NLRP5: variants seen among roughly 807,000 people sequenced by gnomAD.
NLRP5 encodes NACHT, LRR and PYD domains-containing protein 5.
In NLRP5, 93 loss-of-function variants were observed where a neutral mutation model predicts 113.1. The ratio of observed to expected loss-of-function variants is 0.82; its 90% CI spans 0.70 to 0.98. NLRP5 has a LOEUF of 0.98. NLRP5 is among the 50% of genes least tolerant of loss of function. The pLI is 0.00. For synonymous variants in NLRP5, 751 were observed against 600.7 expected, an observed-to-expected ratio of 1.25 and a Z score of -3.66; for missense variants, 1,808 against 1,514.3, an observed-to-expected ratio of 1.19 and a Z score of -3.22.
upstream of NLRP5, among the ~76,000 whole-genome samples, chr19:55,996,606 G>C (rs140315417): frequency 3.3e-5 from 5 of 152,042 alleles, no homozygotes; most frequent in South Asian, 1.0e-3. Context: ...TCGTCCTTGC[G>C]ATAGTTTGCT....
At chr19:56,013,749 C>T (rs1982302658) in intron 3 of NLRP5, among the ~76,000 whole-genome samples, 1 of 151,876 alleles carries the variant, frequency 6.6e-6, no homozygotes, top group South Asian at 2.1e-4. Flanking sequence ...TTTTGAGGAG[C>T]TCTGCCAAAT....
intron 3 of NLRP5, 128 bp from the exon 4 acceptor site, chr19:56,015,614 T>A (rs912776415): frequency 3.2e-5 from 20 of 622,854 alleles, no homozygotes; most frequent in Admixed American, 6.5e-5. Flanking sequence ...GAGCCAGTGG[T>A]TCTGTGCTCT....
At chr19:55,993,973 T>C in the NLRP5 span, among the ~76,000 whole-genome samples, 26 of 152,114 alleles carry the variant, frequency 1.7e-4, no homozygotes, top group African/African-American at 6.0e-4. Context: ...ACCTTTGATA[T>C]ACTTCGGGTA....
chr19:56,058,244 A>G lies in NLRP5; in HGVS notation c.3304A>G (p.Lys1102Glu). ...CTGGGTGTCCTGACCCTGCAGGTTG[A>G]AGGCATGTGGACTGACTTCTGATTG... The change falls in exon 14 of 15, where the codon AAG becomes GAG. Residue 1102 changes from lysine to glutamate, a missense_variant. Lys to Glu is a moderately conservative substitution (Grantham distance 56). Coordinates refer to ENST00000390649, the MANE Select transcript of NLRP5 (RefSeq NM_153447.4). 6.2e-7 allele frequency: 1 copy of G among 1,612,574 alleles called. No homozygotes were observed. The highest frequency in any genetic ancestry group is 1.3e-5 in the African/African-American group (1 of 74,990).
chr19:55,987,616 C>T, the NLRP5 span, among the ~76,000 whole-genome samples: 1 of 152,152 alleles, frequency 6.6e-6, no homozygotes, highest in Admixed American at 6.6e-5. Flanking sequence ...AGCAGCAAAT[C>T]ATTCAAAGCT....
chr19:56,010,613 C>T (rs1212700287), intron 3 of NLRP5, among the ~76,000 whole-genome samples: 6 of 150,900 alleles, frequency 4.0e-5, no homozygotes, highest in South Asian at 4.2e-4. Context: ...ACTAGCCAGG[C>T]GTGGTGGCAT....
chr19:56,035,447 G>A (rs1279749588), intron 9 of NLRP5, among the ~76,000 whole-genome samples: 1 of 152,200 alleles, frequency 6.6e-6, no homozygotes, highest in Non-Finnish European at 1.5e-5. Flanking sequence ...GGAACAGATG[G>A]AGGAAGCTGC....
chr19:56,019,865 C>G (rs1331004511), intron 5 of NLRP5, among the ~76,000 whole-genome samples: 1 of 147,400 alleles, frequency 6.8e-6, no homozygotes, highest in Admixed American at 6.7e-5. Flanking sequence ...GAGAAGGAGT[C>G]TCGCTGTGTC....
intron 11 of NLRP5, among the ~76,000 whole-genome samples, chr19:56,049,867 G>C (rs1287691719): frequency 1.3e-5 from 2 of 152,046 alleles, no homozygotes; most frequent in Non-Finnish European, 2.9e-5. Context: ...TTCTTGGTTT[G>C]AATCCATTGC....
chr19:56,036,675 G>A (rs892705958), intron 9 of NLRP5, among the ~76,000 whole-genome samples: 9 of 152,138 alleles, frequency 5.9e-5, no homozygotes, highest in Non-Finnish European at 1.2e-4. Context: ...ATTCAACACA[G>A]ACCAGGCACA....
intron 2 of NLRP5, among the ~76,000 whole-genome samples, chr19:56,007,505 T>C (rs1981971720): frequency 6.6e-6 from 1 of 150,976 alleles, no homozygotes; most frequent in Non-Finnish European, 1.5e-5. Flanking sequence ...GAGAAAAACA[T>C]TCTGAGCATA....
At chr19:56,042,066 T>G (rs1317352824) in intron 11 of NLRP5, among the ~76,000 whole-genome samples, 1 of 152,156 alleles carries the variant, frequency 6.6e-6, no homozygotes, top group Non-Finnish European at 1.5e-5. Flanking sequence ...CAGTTCAGCC[T>G]CCACTGGGAG....
At chr19:56,026,603 A>G (rs3103611) in intron 6 of NLRP5, among the ~76,000 whole-genome samples, 128,056 of 144,320 alleles carry the variant, frequency 0.89, 56,954 homozygotes, top group Non-Finnish European at 0.91. Context: ...ATTTTGAGAT[A>G]GAGTCTCGCT....
intron 2 of NLRP5, among the ~76,000 whole-genome samples, chr19:56,007,337 C>T (rs1201825593): frequency 6.9e-6 from 1 of 144,614 alleles, no homozygotes; most frequent in African/African-American, 2.6e-5. Context: ...GCACTCCAGC[C>T]TGGGCGACAG....
At chr19:56,059,262 G>C (rs537393878) in intron 14 of NLRP5, among the ~76,000 whole-genome samples, 63 of 152,328 alleles carry the variant, frequency 4.1e-4, no homozygotes, top group African/African-American at 1.5e-3. Flanking sequence ...GGAGGGCTGA[G>C]TTGATGGAGT....
At chr19:56,042,834 G>C (rs1182852632) in intron 11 of NLRP5, among the ~76,000 whole-genome samples, 1 of 152,156 alleles carries the variant, frequency 6.6e-6, no homozygotes, top group Non-Finnish European at 1.5e-5. Context: ...CCACATATCA[G>C]TGAAAATATA....
chr19:56,028,682 C>G (rs1326479442), intron 7 of NLRP5, among the ~76,000 whole-genome samples, 173 bp downstream of exon 7: 1 of 152,120 alleles, frequency 6.6e-6, no homozygotes, highest in Non-Finnish European at 1.5e-5. Context: ...GGCTCATTGT[C>G]CACACCTGGG....
At chr19:56,042,667 T>C (rs958823732) in intron 11 of NLRP5, among the ~76,000 whole-genome samples, 1 of 152,178 alleles carries the variant, frequency 6.6e-6, no homozygotes, top group Non-Finnish European at 1.5e-5. Flanking sequence ...AGTTCTTTAG[T>C]GGTGATTTGT....
intron 3 of NLRP5, among the ~76,000 whole-genome samples, chr19:56,012,306 G>A (rs111763059): frequency 0.036 from 5,428 of 151,948 alleles, 324 homozygotes; most frequent in African/African-American, 0.12. Context: ...CTGCCACCAT[G>A]TCCGGCTAAT....
Sources: gnomAD v4.1 joint callset for allele counts (sites outside exome capture counted in the v4.1 genomes callset) on GRCh38, gnomAD v4.1.1 for gene constraint, MANE v1.5 for transcripts, NCBI Gene and HGNC (gene_info 2026-07-23, HGNC 2026-07-21) for gene names.